DIAPH3: variants seen among roughly 807,000 people sequenced by gnomAD.
DIAPH3 encodes the protein protein diaphanous homolog 3.
A neutral mutation model predicts 144.3 loss-of-function variants in DIAPH3; 117 were observed. The observed-to-expected ratio is 0.81, with a 90% CI of 0.70 to 0.95. The LOEUF (loss-of-function observed/expected upper bound fraction) is 0.95, where lower values mean the gene tolerates loss of function less well. DIAPH3 is among the 40% of genes least tolerant of loss of function. The pLI, the probability that DIAPH3 is intolerant of heterozygous loss-of-function variation, is 0.00. For missense variants in DIAPH3, 1,421 were observed against 1,412.7 expected (o/e 1.01, Z -0.09); for synonymous variants, 519 against 488.9 (o/e 1.06, Z -0.81).
intron 9 of DIAPH3, among the ~76,000 whole-genome samples, chr13:59,993,707 A>AAAAAAAAAC (rs1555351806): frequency 6.7e-6 from 1 of 148,168 alleles, no homozygotes; most frequent in Non-Finnish European, 1.5e-5. Flanking sequence ...ATACTTAAAA[A>AAAAAAAAAC]AAAAAAAAAA....
intron 25 of DIAPH3, among the ~76,000 whole-genome samples, chr13:59,779,030 T>C (rs1397646615): frequency 6.6e-6 from 1 of 152,240 alleles, no homozygotes; most frequent in Non-Finnish European, 1.5e-5. Flanking sequence ...TTGTATCTCT[T>C]ACTTCCAACC....
chr13:59,772,127 G>GA (rs1042786358), intron 27 of DIAPH3, among the ~76,000 whole-genome samples: 3 of 151,986 alleles, frequency 2.0e-5, no homozygotes, highest in Admixed American at 1.3e-4. Context: ...TATTTTCAAT[G>GA]AAAAAAAGTA....
At chr13:60,034,532 C>T (rs2055051916) in intron 5 of DIAPH3, 1 of 152,216 alleles carries the variant, frequency 6.6e-6, no homozygotes, top group African/African-American at 2.4e-5. Flanking sequence ...AATCCCACTA[C>T]TGTTCAGCAT....
At chr13:60,069,518 T>A (rs2057114852) in intron 4 of DIAPH3, among the ~76,000 whole-genome samples, 1 of 152,190 alleles carries the variant, frequency 6.6e-6, no homozygotes, top group African/African-American at 2.4e-5. Flanking sequence ...TTGTTGCAAT[T>A]GCTTTTGGAG....
At chr13:59,939,028 T>C (rs1008269167) in intron 17 of DIAPH3, among the ~76,000 whole-genome samples, 2 of 152,194 alleles carry the variant, frequency 1.3e-5, no homozygotes, top group Admixed American at 1.3e-4. Context: ...AAATCACTCA[T>C]TTTAATTTGA....
chr13:59,980,897 T>C (rs369928723), intron 13 of DIAPH3, 38 bp from the exon 14 acceptor site: 34 of 1,540,654 alleles, frequency 2.2e-5, no homozygotes, highest in Non-Finnish European at 2.9e-5. Context: ...AATGTGAAAC[T>C]TCTTAAACTC....
intron 21 of DIAPH3, among the ~76,000 whole-genome samples, chr13:59,863,778 G>C (rs1465530147): frequency 1.3e-5 from 2 of 152,052 alleles, no homozygotes; most frequent in Non-Finnish European, 2.9e-5. Flanking sequence ...TCACAACATA[G>C]AGCTGAGTGT....
At chr13:60,055,795 A>C (rs2056533921) in intron 4 of DIAPH3, among the ~76,000 whole-genome samples, 1 of 151,920 alleles carries the variant, frequency 6.6e-6, no homozygotes, top group Non-Finnish European at 1.5e-5. Context: ...ATAAGGAACT[A>C]ATACAATCGC....
At chr13:60,050,762 T>G (rs1374237861) in intron 4 of DIAPH3, among the ~76,000 whole-genome samples, 1 of 151,790 alleles carries the variant, frequency 6.6e-6, no homozygotes, top group African/African-American at 2.4e-5. Flanking sequence ...AAGTATAAGA[T>G]GAAATAAACA....
chr13:59,770,073 G>T (rs1019545332), intron 27 of DIAPH3, among the ~76,000 whole-genome samples: 5 of 151,984 alleles, frequency 3.3e-5, no homozygotes, highest in African/African-American at 1.2e-4. Flanking sequence ...AATCGAAATT[G>T]AATCTCCCCT....
chr13:59,816,740 T>A (rs564444414), intron 24 of DIAPH3, among the ~76,000 whole-genome samples: 2 of 151,824 alleles, frequency 1.3e-5, no homozygotes, highest in Non-Finnish European at 2.9e-5. Flanking sequence ...CATGTACATA[T>A]TTTGGGGGTA....
At chr13:60,046,337 G>A (rs1280019125) in intron 4 of DIAPH3, among the ~76,000 whole-genome samples, 2 of 152,070 alleles carry the variant, frequency 1.3e-5, no homozygotes, top group Non-Finnish European at 2.9e-5. Context: ...CTTTTCAACG[G>A]AAGACATTTA....
chr13:59,776,509 T>G (rs951725916), intron 25 of DIAPH3, among the ~76,000 whole-genome samples: 9 of 151,898 alleles, frequency 5.9e-5, no homozygotes, highest in Non-Finnish European at 1.2e-4. Context: ...AAGAAAACAT[T>G]TCAAAATCTA....
rs147714281 is a variant in DIAPH3, at chr13:60,010,241, C to A, written c.908+292G>T. The stretch of plus-strand genomic sequence containing the variant: ...TAGAACCATTTGTATATTTTCAAAG[C>A]CTCCATTTAGAATTTTTTTTAATTT... On this transcript the variant is annotated intron_variant, in intron 8 of 27. Coordinates refer to ENST00000400324, the MANE Select transcript of DIAPH3 (RefSeq NM_001042517.2). 3.5e-3 allele frequency among the ~76,000 whole-genome samples: 534 copies of A among 151,884 alleles called. 4 individuals are homozygous for A. Among genetic ancestry groups the A allele is most frequent in the African/African-American group, 0.013 (518 of 41,430 alleles).
chr13:59,976,959 A>G (rs756954205), intron 14 of DIAPH3, among the ~76,000 whole-genome samples: 7 of 151,910 alleles, frequency 4.6e-5, no homozygotes, highest in Non-Finnish European at 8.8e-5. Flanking sequence ...CAGCTCAACT[A>G]ACATGACTTC....
intron 27 of DIAPH3, among the ~76,000 whole-genome samples, chr13:59,762,729 TG>T (rs1328221558): frequency 4.6e-5 from 7 of 152,186 alleles, no homozygotes; most frequent in African/African-American, 1.4e-4. Flanking sequence ...CATTTTCCCC[TG>T]ATCTTCCCTG....
chr13:59,902,819 A>G (rs1482813239), intron 20 of DIAPH3, among the ~76,000 whole-genome samples: 1 of 152,202 alleles, frequency 6.6e-6, no homozygotes, highest in Non-Finnish European at 1.5e-5. Flanking sequence ...ACAATGACTG[A>G]ATGCTTATCT....
chr13:59,801,672 C>T (rs2039907483), intron 25 of DIAPH3, among the ~76,000 whole-genome samples: 2 of 152,164 alleles, frequency 1.3e-5, no homozygotes, highest in African/African-American at 4.8e-5. Flanking sequence ...TTCTTCCTGC[C>T]TTGGGGCATT....
intron 1 of DIAPH3, among the ~76,000 whole-genome samples, chr13:60,162,807 TCTCACACACACACACACA>T: frequency 7.8e-6 from 1 of 128,060 alleles, no homozygotes; most frequent in African/African-American, 2.8e-5. Flanking sequence ...TCTCTCTCTC[TCTCACACACACACACACA>T]CACACACACA....
Sources: allele counts gnomAD v4.1 joint callset (sites outside exome capture counted in the v4.1 genomes callset), GRCh38; gene constraint gnomAD v4.1.1; transcripts MANE v1.5; gene names NCBI Gene and HGNC (gene_info 2026-07-23, HGNC 2026-07-21).